Variants in GLB1L3 observed in about 807,000 individuals in gnomAD.
The protein encoded by GLB1L3 is galactosidase beta 1 like 3.
Under a neutral mutation model 89.5 loss-of-function variants are expected in GLB1L3, and 89 were observed. The ratio of observed to expected loss-of-function variants is 0.99; its 90% CI spans 0.84 to 1.19. The LOEUF is 1.19. GLB1L3 is among the 50% of genes most tolerant of loss of function. The pLI is 0.00. For synonymous variants in GLB1L3, 314 were observed against 312.3 expected (o/e 1.01, Z -0.06); for missense variants, 812 against 813.3 (o/e 1.00, Z 0.02).
chr11:134,290,030 G>C (rs921274658), intron 7 of GLB1L3, among the ~76,000 whole-genome samples: 5 of 152,204 alleles, frequency 3.3e-5, no homozygotes, highest in African/African-American at 1.2e-4. Flanking sequence ...GCAAAGTGGG[G>C]AGGAGGGCGG....
intron 9 of GLB1L3, among the ~76,000 whole-genome samples, chr11:134,293,582 T>TC (rs1941476580): frequency 6.6e-6 from 1 of 152,096 alleles, no homozygotes; most frequent in Non-Finnish European, 1.5e-5. Context: ...AGCTTACATA[T>TC]TATCAGAAGG....
intron 5 of GLB1L3, among the ~76,000 whole-genome samples, chr11:134,282,395 G>A (rs579856): frequency 0.15 from 22,833 of 151,972 alleles, 1,899 homozygotes; most frequent in Middle Eastern, 0.19. Flanking sequence ...GAGGGTGTGC[G>A]CGGGGAGAGG....
At chr11:134,304,178 TCAAATGTG>T (rs1297287348) in intron 9 of GLB1L3, among the ~76,000 whole-genome samples, 1 of 152,178 alleles carries the variant, frequency 6.6e-6, no homozygotes, top group Non-Finnish European at 1.5e-5. Context: ...TTAAACCTTC[TCAAATGTG>T]CTGGGTATCT....
intron 9 of GLB1L3, chr11:134,305,199 C>T: frequency 9.0e-7 from 1 of 1,107,750 alleles, no homozygotes; most frequent in Non-Finnish European, 1.3e-6. Context: ...TGTGATTCTT[C>T]CATAATTTTG....
intron 18 of GLB1L3, among the ~76,000 whole-genome samples, chr11:134,314,851 G>A (rs1243584341): frequency 6.6e-6 from 1 of 151,954 alleles, no homozygotes. Context: ...TTTTTTTTCT[G>A]TGTGGGGTGA....
At position 134,309,721 on chromosome 11, in the gene GLB1L3, G is replaced by A. The variant is rs760544356; in HGVS notation, c.1057G>A (p.Ala353Thr). 1.2e-6 allele frequency: 2 copies of A among 1,613,362 alleles called. No homozygotes were observed. Among genetic ancestry groups the A allele is most frequent in the Non-Finnish European group, 1.7e-6 (2 of 1,179,636 alleles). The part of the protein sequence containing the change: ...GGTNFGFMNG[A>T]TYFGKHSGIV... ...AACCAACTTTGGTTTCATGAACGGG[G>A]CCACATATTTCGGGAAGCACTCGGG... The change falls in exon 11 of 20, where the codon GCC (alanine) becomes ACC (threonine). Residue 353 changes from alanine (A) to threonine (T), a missense_variant. Around this residue, in one of 3 missense-constraint regions of GLB1L3, gnomAD observed 618 missense variants for 604.0 expected, o/e 1.02. Coordinates refer to ENST00000431683, the MANE Select transcript of GLB1L3 (RefSeq NM_001080407.3).
At chr11:134,314,141 G>C in intron 17 of GLB1L3, 113 bp downstream of exon 17, 1 of 816,444 alleles carries the variant, frequency 1.2e-6, no homozygotes, top group Admixed American at 2.1e-5. Flanking sequence ...TGTACTCCAG[G>C]CTGTTGGGTA....
chr11:134,307,741 A>G (rs1942266836), intron 10 of GLB1L3, among the ~76,000 whole-genome samples: 1 of 152,232 alleles, frequency 6.6e-6, no homozygotes, highest in Admixed American at 6.5e-5. Flanking sequence ...CTGCAGCGCT[A>G]GCCATGCGCT....
At chr11:134,294,136 G>A (rs764166940) in intron 9 of GLB1L3, among the ~76,000 whole-genome samples, 6 of 151,602 alleles carry the variant, frequency 4.0e-5, no homozygotes, top group Admixed American at 2.0e-4. Context: ...GTATGATCTC[G>A]GTTCACTGCA....
intron 5 of GLB1L3, among the ~76,000 whole-genome samples, chr11:134,283,084 C>G (rs146656711): frequency 6.6e-6 from 1 of 151,886 alleles, no homozygotes; most frequent in African/African-American, 2.4e-5. Context: ...TTTTTTAAGA[C>G]GGAGTCTTGC....
intron 9 of GLB1L3, among the ~76,000 whole-genome samples, chr11:134,293,746 ACAT>A (rs1232559949): frequency 6.7e-6 from 1 of 148,256 alleles, no homozygotes; most frequent in Non-Finnish European, 1.5e-5. Flanking sequence ...TCCAGGGAGT[ACAT>A]CATCTGTCCT....
Position 134,310,609 on chromosome 11 carries a change from G to GA in GLB1L3, c.1143dup (p.Tyr382IlefsTer48), listed in dbSNP as rs757240422. ...GCTCACGGAGGCTGGAGATTACACA[G>GA]AAAAATATCTGAAGCTTCAAAAACT... On this transcript the variant is annotated frameshift_variant, in exon 12 of 20. Transcript: ENST00000431683. LOFTEE classifies it high-confidence loss of function. 34 of 1,613,612 alleles carry GA rather than the reference G, an allele frequency of 2.1e-5. No homozygotes were observed. The African/African-American group carries it at 3.6e-4, about 17-fold the overall frequency.
chr11:134,312,947 G>A, intron 15 of GLB1L3, 60 bp downstream of exon 15: 1 of 1,182,414 alleles, frequency 8.5e-7, no homozygotes. Flanking sequence ...GACGGAGCCT[G>A]GTCCTGAGAC....
chr11:134,289,801 C>T (rs183048570), intron 7 of GLB1L3, among the ~76,000 whole-genome samples: 1 of 152,332 alleles, frequency 6.6e-6, no homozygotes, highest in Non-Finnish European at 1.5e-5. Flanking sequence ...GCCTGCTGTC[C>T]TTCCTGGTGG....
chr11:134,278,019 G>A, intron 3 of GLB1L3, 107 bp downstream of exon 3: 4 of 1,004,714 alleles, frequency 4.0e-6, no homozygotes, highest in South Asian at 1.4e-5. Context: ...CTTACCTTCC[G>A]CACAGTCGTT....
chr11:134,293,260 C>T (rs1474559431), intron 9 of GLB1L3, 51 bp downstream of exon 9: 10 of 1,421,550 alleles, frequency 7.0e-6, no homozygotes, highest in Non-Finnish European at 9.9e-6. Flanking sequence ...ACCATGACCT[C>T]CCTTGCCTAT....
At chr11:134,308,196 T>TCATCACCACCAC (rs1565412214) in intron 10 of GLB1L3, among the ~76,000 whole-genome samples, 2 of 68,814 alleles carry the variant, frequency 2.9e-5, no homozygotes, top group Non-Finnish European at 5.2e-5. Context: ...ATCATCACCA[T>TCATCACCACCAC]CACCACTACC....
Position 134,312,826 on chromosome 11 carries a change from A to G in GLB1L3, c.1439A>G (p.Asp480Gly), listed in dbSNP as rs758397017. ...GCTCTTCTTTTGCAGGTGTTTTTGG[A>G]TGAGACAATGATAGGGATTCTGAAT... is the stretch of plus-strand genomic sequence containing the variant. ...HAHDVAQVFL[D>G]ETMIGILNEN... Residue 480 changes from aspartate (D) to glycine (G), a missense_variant, in exon 15 of 20, where the codon GAT (aspartate) becomes GGT (glycine). Physicochemically the swap from Asp to Gly is moderately conservative, Grantham distance 94. Around this residue, in one of 3 missense-constraint regions of GLB1L3, gnomAD observed 618 missense variants for 604.0 expected, o/e 1.02. Coordinates refer to ENST00000431683, the MANE Select transcript of GLB1L3 (RefSeq NM_001080407.3). The G allele has an allele frequency of 3.1e-6, 5 of 1,611,528 alleles. No individual in the cohort carries two copies. The highest frequency in any genetic ancestry group is 4.2e-6 in the Non-Finnish European group (5 of 1,178,600).
intron 18 of GLB1L3, among the ~76,000 whole-genome samples, chr11:134,315,671 T>C (rs1381816048): frequency 6.6e-6 from 1 of 152,204 alleles, no homozygotes; most frequent in Non-Finnish European, 1.5e-5. Flanking sequence ...AGGATATCGA[T>C]GCACTCTTTT....
Sources: gnomAD v4.1 joint callset for allele counts (sites outside exome capture counted in the v4.1 genomes callset) on GRCh38, gnomAD v4.1.1 for gene constraint, gnomAD v4.1.1 regional missense constraint, MANE v1.5 for transcripts, NCBI Gene and HGNC (gene_info 2026-07-23, HGNC 2026-07-21) for gene names.